Variants in FAT4 observed in about 807,000 individuals in gnomAD.
The protein encoded by FAT4 is FAT atypical cadherin 4.
A neutral mutation model predicts 303.9 loss-of-function variants in FAT4; 84 were observed. That is an observed-to-expected ratio of 0.28 (90% confidence interval 0.23 to 0.33). The LOEUF (loss-of-function observed/expected upper bound fraction) is 0.33, where lower values mean the gene tolerates loss of function less well. Ranked by LOEUF, FAT4 falls within the 10% of genes least tolerant of loss-of-function variation. The pLI, the probability that FAT4 is intolerant of heterozygous loss-of-function variation, is 1.00. For synonymous variants in FAT4, 2,307 were observed against 2,298.8 expected (o/e 1.00, Z -0.10); for missense variants, 6,005 against 6,146.8 (o/e 0.98, Z 0.77).
chr4:125,487,211 A>C, intron 16 of FAT4, 134 bp from the exon 17 acceptor site: 1 of 711,322 alleles, frequency 1.4e-6, no homozygotes, highest in Non-Finnish European at 2.2e-6. Flanking sequence ...GTGTAAGTAT[A>C]TTCTAATACA....
intron 2 of FAT4, among the ~76,000 whole-genome samples, chr4:125,397,401 T>C (rs1734227616): frequency 6.6e-6 from 1 of 152,086 alleles, no homozygotes. Context: ...TGCAAGGAAG[T>C]TGGAAATGCA....
chr4:125,464,529 T>A (rs1298827442), intron 11 of FAT4, among the ~76,000 whole-genome samples: 1 of 152,166 alleles, frequency 6.6e-6, no homozygotes, highest in Non-Finnish European at 1.5e-5. Flanking sequence ...TTATTTATTT[T>A]TTTATTATAC....
intron 7 of FAT4, among the ~76,000 whole-genome samples, chr4:125,428,385 G>A (rs780105788): frequency 6.6e-6 from 1 of 152,180 alleles, no homozygotes; most frequent in Non-Finnish European, 1.5e-5. Flanking sequence ...GGCAATGCTA[G>A]TTATTAGTTT....
rs922574699 is a variant in FAT4, at chr4:125,449,182, T to C, written c.8172T>C (p.Thr2724=). 1 of 1,614,032 alleles carries C rather than the reference T, an allele frequency of 6.2e-7. No homozygotes were observed. The highest frequency in any genetic ancestry group is 1.3e-5 in the African/African-American group (1 of 75,054). ...ATAGTTTCAGTATCAATCATGCTAC[T>C]GGTGAAATTAGAAGCGTTAGACCTT... ...MENSFSINHA[T]GEIRSVRPLD... The change falls in exon 10 of 18, where the codon ACT becomes ACC. Residue 2724 remains threonine (T), a synonymous_variant. Coordinates refer to ENST00000394329, the MANE Select transcript of FAT4 (RefSeq NM_001291303.3).
intron 2 of FAT4, among the ~76,000 whole-genome samples, chr4:125,360,846 G>A (rs1175187130): frequency 6.6e-6 from 1 of 150,530 alleles, no homozygotes; most frequent in African/African-American, 2.4e-5. Context: ...ATATGGTCTT[G>A]CTTAATTTCA....
At chr4:125,486,894 G>C (rs1163466298) in intron 16 of FAT4, among the ~76,000 whole-genome samples, 2 of 152,024 alleles carry the variant, frequency 1.3e-5, no homozygotes, top group Non-Finnish European at 2.9e-5. Context: ...TTTAAACTAT[G>C]CTTCCCTTTT....
chr4:125,468,927 TTTAG>T, intron 12 of FAT4, 108 bp downstream of exon 12: 1 of 1,193,052 alleles, frequency 8.4e-7, no homozygotes, highest in Non-Finnish European at 1.2e-6. Context: ...AAATGAACAC[TTTAG>T]TTATGAAAAA....
At chr4:125,455,576 G>A (rs1221168978) in intron 10 of FAT4, among the ~76,000 whole-genome samples, 3 of 152,010 alleles carry the variant, frequency 2.0e-5, no homozygotes, top group Non-Finnish European at 4.4e-5. Context: ...TTAAGTCTTC[G>A]AGTCATTAAA....
At position 125,374,879 on chromosome 4, in the gene FAT4, T is replaced by C. The variant is rs557330933; in HGVS notation, c.5176-23905T>C. 1.6e-4 allele frequency among the ~76,000 whole-genome samples: 25 copies of C among 152,270 alleles called. No individual in the cohort carries two copies. The East Asian group carries it at 4.6e-3, about 28-fold the overall frequency. ...ATTCCAGAAGGATACAAGTAAATGA[T>C]AAAAAGAGCACATTTATTTCTAATA... is the stretch of plus-strand genomic sequence containing the variant. On this transcript the variant is annotated intron_variant, in intron 2 of 17. Transcript: ENST00000394329.
chr4:125,447,442 G>A (rs1334660857), intron 9 of FAT4, among the ~76,000 whole-genome samples: 1 of 151,956 alleles, frequency 6.6e-6, no homozygotes, highest in Non-Finnish European at 1.5e-5. Context: ...TCTATCAAAG[G>A]AAATGTCAGT....
chr4:125,463,588 T>A lies in FAT4; in HGVS notation c.11826T>A (p.Asn3942Lys). The A allele has an allele frequency of 6.3e-7, 1 of 1,593,194 alleles. No homozygotes were observed. ...YTGKMCESSV[N>K]YCECNPCFNG... ...GGAAAATGTGTGAATCTTCAGTCAA[T>A]TACTGTGAATGCAACCCCTGCTTTA... is the stretch of plus-strand genomic sequence containing the variant. Residue 3942 changes from asparagine (N) to lysine (K), a missense_variant, in exon 11 of 18, where the codon AAT becomes AAA. By Grantham distance (94) the Asn-to-Lys change is moderately conservative. Coordinates refer to ENST00000394329, the MANE Select transcript of FAT4 (RefSeq NM_001291303.3).
chr4:125,430,061 A>G (rs957938896), intron 7 of FAT4, among the ~76,000 whole-genome samples: 1 of 152,028 alleles, frequency 6.6e-6, no homozygotes, highest in South Asian at 2.1e-4. Context: ...ACCTAATGTA[A>G]ATGATGAGTT....
chr4:125,320,804 A>G lies in FAT4; in HGVS notation c.4393A>G (p.Arg1465Gly). 9 of 1,614,122 alleles carry G rather than the reference A, an allele frequency of 5.6e-6. No individual in the cohort carries two copies. The highest frequency in any genetic ancestry group is 5.9e-6 in the Non-Finnish European group (7 of 1,179,932). The change falls in exon 2 of 18, where the codon AGA becomes GGA. Residue 1465 changes from arginine (R) to glycine (G), a missense_variant. Coordinates refer to ENST00000394329, the MANE Select transcript of FAT4 (RefSeq NM_001291303.3). ...LSYTIIQQMP[R>G]GNHFTIDEVK... ...CTACACAATCATTCAACAGATGCCAAGAGGCAACCACTTTACCATAGATGA... is the reference window on the plus strand; with the variant it reads ...CTACACAATCATTCAACAGATGCCAGGAGGCAACCACTTTACCATAGATGA...
chr4:125,405,295 T>C (rs1042482743), intron 3 of FAT4, among the ~76,000 whole-genome samples: 1 of 152,160 alleles, frequency 6.6e-6, no homozygotes, highest in Non-Finnish European at 1.5e-5. Context: ...TGTTATTTTT[T>C]TGAGGACCTC....
chr4:125,383,150 A>C (rs1172051232), intron 2 of FAT4, among the ~76,000 whole-genome samples: 5 of 152,094 alleles, frequency 3.3e-5, no homozygotes, highest in Non-Finnish European at 1.5e-5. Flanking sequence ...TTGCATTTAC[A>C]ACTTGGCTAG....
Position 125,452,537 on chromosome 4 carries a change from G to C in FAT4, c.11527G>C (p.Glu3843Gln), listed in dbSNP as rs1726131250. The C allele has an allele frequency of 4.3e-6, 7 of 1,614,112 alleles. No homozygotes were observed. Among genetic ancestry groups the C allele is most frequent in the Non-Finnish European group, 5.9e-6 (7 of 1,180,032 alleles). ...TCTTCCAGTCATCATCGTGGCAAAT[G>C]AACCTCTGCAGCCTTTCTTATGCAA... ...ESLPVIIVAN[E>Q]PLQPFLCKCL... is the part of the protein sequence containing the mutation. The change falls in exon 10 of 18, where the codon GAA becomes CAA. Residue 3843 changes from glutamate (E) to glutamine (Q), a missense_variant. Physicochemically the swap from Glu to Gln is conservative, Grantham distance 29 (BLOSUM62 2). Coordinates refer to ENST00000394329, the MANE Select transcript of FAT4 (RefSeq NM_001291303.3).
rs2663254 is a variant in FAT4 at position 125,370,921 on chromosome 4, G to A, written c.5176-27863G>A. On this transcript the variant is annotated intron_variant, in intron 2 of 17. Coordinates refer to ENST00000394329, the MANE Select transcript of FAT4 (RefSeq NM_001291303.3). ...AGCACTTTGGGAGGCCAAGGCAGGC[G>A]GGTCACCTGAGGTCAGGAGTTCGAA... Among the ~76,000 whole-genome samples the A allele has an allele frequency of 9.3e-3, 1,411 of 152,082 alleles. 15 individuals are homozygous for A. The highest frequency in any genetic ancestry group is 0.032 in the African/African-American group (1,346 of 41,496).
intron 8 of FAT4, among the ~76,000 whole-genome samples, chr4:125,438,941 G>A (rs1725551875): frequency 6.6e-6 from 1 of 152,056 alleles, no homozygotes; most frequent in African/African-American, 2.4e-5. Flanking sequence ...AAACTTTTAT[G>A]TGTCTTATAA....
intron 2 of FAT4, among the ~76,000 whole-genome samples, chr4:125,397,685 A>T (rs1734236456): frequency 6.6e-6 from 1 of 152,042 alleles, no homozygotes; most frequent in African/African-American, 2.4e-5. Context: ...GCTCTTGTAT[A>T]TTTCCCATTC....
Sources: allele counts gnomAD v4.1 joint callset (sites outside exome capture counted in the v4.1 genomes callset), GRCh38; gene constraint gnomAD v4.1.1; transcripts MANE v1.5; gene names NCBI Gene and HGNC (gene_info 2026-07-23, HGNC 2026-07-21).